The following TSPEAR variants were observed in gnomAD, a reference collection of about 807,000 sequenced individuals.
TSPEAR encodes thrombospondin type laminin G domain and EAR repeats.
Under a neutral mutation model 71.6 loss-of-function variants are expected in TSPEAR, and 69 were observed. That is an observed-to-expected ratio of 0.96 (90% CI 0.79 to 1.18). The LOEUF is 1.18. TSPEAR is among the 50% of genes most tolerant of loss of function. The probability of loss-of-function intolerance (pLI) is 0.00; values close to 1 mark genes in which losing one functional copy is unlikely to be tolerated. For synonymous variants in TSPEAR, 402 were observed against 387.2 expected (o/e 1.04, Z -0.45); for missense variants, 971 against 894.9 (o/e 1.09, Z -1.09).
At chr21:44,651,700 G>A (rs1396696716) in intron 1 of TSPEAR, among the ~76,000 whole-genome samples, 1 of 152,068 alleles carries the variant, frequency 6.6e-6, no homozygotes, top group Non-Finnish European at 1.5e-5. Context: ...CACACCTTAT[G>A]GTCCACACAT....
chr21:44,512,520 G>A (rs1555912854), intron 9 of TSPEAR, among the ~76,000 whole-genome samples: 1 of 152,180 alleles, frequency 6.6e-6, no homozygotes, highest in African/African-American at 2.4e-5. Context: ...GCTGCTGTGT[G>A]AGCCCTGGGG....
chr21:44,526,969 G>A (rs949374101), intron 7 of TSPEAR, among the ~76,000 whole-genome samples: 4 of 152,212 alleles, frequency 2.6e-5, no homozygotes, highest in African/African-American at 9.7e-5. Flanking sequence ...TTTCTGAAAC[G>A]ATTTGTGGGT....
chr21:44,670,699 C>T (rs1986013533), intron 1 of TSPEAR, among the ~76,000 whole-genome samples: 1 of 152,182 alleles, frequency 6.6e-6, no homozygotes, highest in Non-Finnish European at 1.5e-5. Flanking sequence ...GGCATTGCTC[C>T]AGAGAAAGAG....
intron 1 of TSPEAR, among the ~76,000 whole-genome samples, chr21:44,603,408 G>T (rs1981108787): frequency 1.3e-5 from 2 of 152,164 alleles, no homozygotes; most frequent in Admixed American, 1.3e-4. Context: ...CCAACTACAG[G>T]CACCTGAATC....
chr21:44,681,303 C>G (rs545900801), intron 1 of TSPEAR, among the ~76,000 whole-genome samples: 1 of 152,338 alleles, frequency 6.6e-6, no homozygotes, highest in Non-Finnish European at 1.5e-5. Context: ...GCAGGGCTTG[C>G]TGGCCTGGAG....
intron 1 of TSPEAR, among the ~76,000 whole-genome samples, chr21:44,605,196 A>G (rs989896001): frequency 6.6e-6 from 1 of 151,668 alleles, no homozygotes; most frequent in Non-Finnish European, 1.5e-5. Flanking sequence ...GAGATTAAGA[A>G]AACAATACCA....
intron 1 of TSPEAR, among the ~76,000 whole-genome samples, chr21:44,626,434 G>A (rs1241590446): frequency 6.6e-6 from 1 of 152,216 alleles, no homozygotes; most frequent in Non-Finnish European, 1.5e-5. Flanking sequence ...TCCAGCAGTG[G>A]CGAGGGCTGG....
intron 1 of TSPEAR, among the ~76,000 whole-genome samples, chr21:44,685,354 G>A (rs1986807572): frequency 6.6e-6 from 1 of 151,878 alleles, no homozygotes; most frequent in South Asian, 2.1e-4. Flanking sequence ...GGAGGAGCGT[G>A]CCATCCACAC....
intron 9 of TSPEAR, chr21:44,515,698 TCTGGG>T (rs1203357773): frequency 6.6e-6 from 1 of 152,166 alleles, no homozygotes; most frequent in Non-Finnish European, 1.5e-5. Context: ...GTGGCCGCCT[TCTGGG>T]CTGGGCTGCC....
chr21:44,639,149 C>T (rs1253437117), intron 1 of TSPEAR, among the ~76,000 whole-genome samples: 1 of 152,152 alleles, frequency 6.6e-6, no homozygotes, highest in Non-Finnish European at 1.5e-5. Context: ...GGTCCTGGCT[C>T]CCTTTTGGTC....
intron 1 of TSPEAR, among the ~76,000 whole-genome samples, chr21:44,605,903 T>C (rs1340931704): frequency 2.0e-5 from 3 of 152,102 alleles, no homozygotes; most frequent in African/African-American, 7.2e-5. Flanking sequence ...AATTATTCCT[T>C]GAATAGGACC....
intron 1 of TSPEAR, among the ~76,000 whole-genome samples, chr21:44,626,777 T>G (rs587671698): frequency 6.6e-6 from 1 of 152,216 alleles, no homozygotes; most frequent in South Asian, 2.1e-4. Flanking sequence ...GGCCAGTGGC[T>G]GGACGATGCC....
chr21:44,539,517 G>A, intron 2 of TSPEAR: 1 of 1,613,680 alleles, frequency 6.2e-7, no homozygotes, highest in South Asian at 1.1e-5. Context: ...CTAGACTGCT[G>A]GCAGCATGAA....
intron 1 of TSPEAR, among the ~76,000 whole-genome samples, chr21:44,691,895 G>A (rs1469867478): frequency 6.6e-6 from 1 of 152,052 alleles, no homozygotes; most frequent in African/African-American, 2.4e-5. Context: ...ACCCACATAA[G>A]ACATCAAAAG....
intron 10 of TSPEAR, chr21:44,508,882 C>T (rs782156439): frequency 2.4e-5 from 35 of 1,449,264 alleles, no homozygotes; most frequent in East Asian, 1.0e-4. Flanking sequence ...TCCCTCCGCA[C>T]GACGGGCATG....
At chr21:44,673,902 T>C (rs1555946434) in intron 1 of TSPEAR, among the ~76,000 whole-genome samples, 2 of 129,590 alleles carry the variant, frequency 1.5e-5, no homozygotes, top group East Asian at 4.3e-4. Context: ...TCAAAAAATT[T>C]CTCAAAAAAA....
chr21:44,681,646 T>A (rs1569256298), intron 1 of TSPEAR: 8 of 752,048 alleles, frequency 1.1e-5, no homozygotes, highest in Admixed American at 3.1e-5. Context: ...CAGACTTCCC[T>A]GGGGGGATAG....
At chr21:44,566,441 C>T (rs1238129894) in intron 2 of TSPEAR, among the ~76,000 whole-genome samples, 3 of 152,098 alleles carry the variant, frequency 2.0e-5, no homozygotes, top group African/African-American at 7.2e-5. Flanking sequence ...CAATACTCCC[C>T]AAATTAATTA....
chr21:44,646,984 C>A (rs1417486453), intron 1 of TSPEAR: 3 of 1,613,784 alleles, frequency 1.9e-6, no homozygotes, highest in Non-Finnish European at 2.5e-6. Context: ...TAGCTGCCAG[C>A]CAGCTTGCTG....
Sources: allele counts gnomAD v4.1 joint callset (sites outside exome capture counted in the v4.1 genomes callset), GRCh38; gene constraint gnomAD v4.1.1; transcripts MANE v1.5; gene names NCBI Gene and HGNC (gene_info 2026-07-23, HGNC 2026-07-21).